Variants in SPMIP7 observed in about 807,000 individuals in gnomAD.
SPMIP7 encodes protein SPMIP7.
At chr7:50,159,187 G>C in the SPMIP7 span, 1 of 1,549,564 alleles carries the variant, frequency 6.5e-7, no homozygotes, top group Non-Finnish European at 8.7e-7. Flanking sequence ...GGCCCTGCGC[G>C]GGCTGTCCAG....
At chr7:50,128,741 T>A in the SPMIP7 span, among the ~76,000 whole-genome samples, 4 of 151,988 alleles carry the variant, frequency 2.6e-5, no homozygotes, top group Non-Finnish European at 5.9e-5. Context: ...CTGATAGTAA[T>A]TCTAAAAGAA....
chr7:50,126,354 GA>G, the SPMIP7 span, among the ~76,000 whole-genome samples: 15 of 150,776 alleles, frequency 9.9e-5, no homozygotes, highest in African/African-American at 3.6e-4. Context: ...AAGTAAAATA[GA>G]ATATGATAAA....
chr7:50,126,716 C>T, the SPMIP7 span, among the ~76,000 whole-genome samples: 1 of 151,896 alleles, frequency 6.6e-6, no homozygotes, highest in Admixed American at 6.6e-5. Context: ...CAAATATTCA[C>T]TTACCATTAA....
the SPMIP7 span, among the ~76,000 whole-genome samples, chr7:50,105,606 T>A: frequency 6.6e-6 from 1 of 152,224 alleles, no homozygotes; most frequent in African/African-American, 2.4e-5. Flanking sequence ...AAAGGTCATT[T>A]AAAGTATATG....
chr7:50,098,685 G>A, the SPMIP7 span, among the ~76,000 whole-genome samples: 1 of 152,116 alleles, frequency 6.6e-6, no homozygotes, highest in African/African-American at 2.4e-5. Context: ...TCCTCAGAGA[G>A]AGAGAGAGAG....
At chr7:50,125,107 TATATATATACACACAC>T in the SPMIP7 span, among the ~76,000 whole-genome samples, 1 of 87,880 alleles carries the variant, frequency 1.1e-5, no homozygotes, top group African/African-American at 5.0e-5. Flanking sequence ...TATATATATA[TATATATATACACACAC>T]ACACACACAC....
At chr7:50,127,445 A>T in the SPMIP7 span, among the ~76,000 whole-genome samples, 1 of 151,590 alleles carries the variant, frequency 6.6e-6, no homozygotes, top group Non-Finnish European at 1.5e-5. Context: ...TACAGAAAAA[A>T]AAAGTGAAGA....
At chr7:50,119,279 A>G in the SPMIP7 span, among the ~76,000 whole-genome samples, 2 of 152,218 alleles carry the variant, frequency 1.3e-5, no homozygotes, top group Non-Finnish European at 1.5e-5. Context: ...TGAGAATTGA[A>G]GGTAAACCTG....
chr7:50,107,187 T>C, the SPMIP7 span, among the ~76,000 whole-genome samples: 1 of 151,084 alleles, frequency 6.6e-6, no homozygotes, highest in Admixed American at 6.6e-5. Flanking sequence ...AAAACCCCAT[T>C]TCTATTAAAA....
At chr7:50,100,807 G>A in the SPMIP7 span, among the ~76,000 whole-genome samples, 19 of 13,134 alleles carry the variant, frequency 1.4e-3, no homozygotes, top group Middle Eastern at 0.024. Context: ...GTGAGATGCC[G>A]TCCAAAAATA....
At chr7:50,102,603 A>G in the SPMIP7 span, among the ~76,000 whole-genome samples, 12 of 152,148 alleles carry the variant, frequency 7.9e-5, no homozygotes, top group South Asian at 4.1e-4. Context: ...GCCACAGACT[A>G]TCCAGCATAC....
chr7:50,117,839 A>G, the SPMIP7 span, among the ~76,000 whole-genome samples: 1 of 152,230 alleles, frequency 6.6e-6, no homozygotes, highest in Non-Finnish European at 1.5e-5. Context: ...AGATAGTTAC[A>G]TGCTTTTGGA....
chr7:50,125,107 TATATATATACACAC>T, the SPMIP7 span, among the ~76,000 whole-genome samples: 38 of 87,848 alleles, frequency 4.3e-4, 2 homozygotes, highest in South Asian at 1.7e-3. Flanking sequence ...TATATATATA[TATATATATACACAC>T]ACACACACAC....
chr7:50,104,598 A>G, the SPMIP7 span, among the ~76,000 whole-genome samples: 864 of 152,218 alleles, frequency 5.7e-3, 9 homozygotes, highest in African/African-American at 0.019. Flanking sequence ...TCTATTATGC[A>G]TTACCTTGCA....
the SPMIP7 span, among the ~76,000 whole-genome samples, chr7:50,125,127 CACACACACACACACATAT>C: frequency 6.4e-5 from 1 of 15,602 alleles, no homozygotes; most frequent in Non-Finnish European, 1.2e-4. Context: ...CACACACACA[CACACACACACACACATAT>C]ACACACATAT....
At chr7:50,116,521 T>C in the SPMIP7 span, among the ~76,000 whole-genome samples, 5 of 152,230 alleles carry the variant, frequency 3.3e-5, no homozygotes, top group African/African-American at 1.2e-4. Flanking sequence ...CTATTCACTG[T>C]TGAGTAATAA....
the SPMIP7 span, among the ~76,000 whole-genome samples, chr7:50,112,523 A>T: frequency 1.3e-4 from 1 of 7,672 alleles, no homozygotes; most frequent in East Asian, 0.013. Flanking sequence ...AAAGAAAAAT[A>T]AAAAAATGAT....
At chr7:50,136,118 C>G in the SPMIP7 span, 2 of 1,551,220 alleles carry the variant, frequency 1.3e-6, no homozygotes, top group Non-Finnish European at 1.7e-6. Context: ...AGCTCTGGGA[C>G]AGATTTCAAA....
At chr7:50,100,841 A>AAATAAATAAATAAAT in the SPMIP7 span, among the ~76,000 whole-genome samples, 1 of 151,546 alleles carries the variant, frequency 6.6e-6, no homozygotes, top group Non-Finnish European at 1.5e-5. Flanking sequence ...ATAAATAAAT[A>AAATAAATAAATAAAT]AATATGAAAA....
Sources: allele counts gnomAD v4.1 joint callset (sites outside exome capture counted in the v4.1 genomes callset), GRCh38; gene constraint gnomAD v4.1.1; transcripts MANE v1.5; gene names NCBI Gene and HGNC (gene_info 2026-07-23, HGNC 2026-07-21).